The following DACH1 variants were observed in gnomAD, a reference collection of about 807,000 sequenced individuals.
DACH1 encodes the protein dachshund family transcription factor 1, also known as dachshund homolog 1.
DACH1 carries 12 observed loss-of-function variants against 54.2 expected under a neutral mutation model. That is an observed-to-expected ratio of 0.22 (90% CI 0.14 to 0.36). The LOEUF (loss-of-function observed/expected upper bound fraction) is 0.36, where lower values mean the gene tolerates loss of function less well. Among genes scored for constraint, DACH1 ranks in the 10% least tolerant of loss-of-function variants. The pLI, the probability that DACH1 is intolerant of heterozygous loss-of-function variation, is 1.00. For synonymous variants in DACH1, 386 were observed against 366.2 expected, an observed-to-expected ratio of 1.05 and a Z score of -0.62; for missense variants, 805 against 929.8, an observed-to-expected ratio of 0.87 and a Z score of 1.75.
chr13:71,858,172 C>A (rs374364314), intron 1 of DACH1, among the ~76,000 whole-genome samples: 22 of 151,702 alleles, frequency 1.5e-4, no homozygotes, highest in African/African-American at 5.3e-4. Context: ...CATAAAATAT[C>A]TCCCTTTCAA....
At chr13:71,763,310 T>A (rs1885480197) in intron 1 of DACH1, among the ~76,000 whole-genome samples, 1 of 152,212 alleles carries the variant, frequency 6.6e-6, no homozygotes, top group Admixed American at 6.6e-5. Context: ...GGCAGTTGGG[T>A]TCCAAAGTCT....
intron 6 of DACH1, among the ~76,000 whole-genome samples, chr13:71,520,505 G>A (rs1881517804): frequency 1.3e-5 from 2 of 150,172 alleles, no homozygotes; most frequent in African/African-American, 2.4e-5. Flanking sequence ...AGAAGGACAA[G>A]TTAATAAGGA....
At position 71,701,147 on chromosome 13, in the gene DACH1, C is replaced by T. The variant is rs114089815; in HGVS notation, c.849-19237G>A. 3.0e-3 allele frequency among the ~76,000 whole-genome samples: 458 copies of T among 152,112 alleles called. 4 individuals carry two copies. The highest frequency in any genetic ancestry group is 0.011 in the African/African-American group (445 of 41,486). On this transcript the variant is annotated intron_variant, in intron 1 of 10. Transcript: ENST00000613252. ...AAAAGGTTATTAACTGATATGCAAG[C>T]AAGGATAGCATTTACTTAACAAAAA...
intron 3 of DACH1, among the ~76,000 whole-genome samples, chr13:71,623,517 T>G (rs189395889): frequency 5.0e-4 from 76 of 151,870 alleles, no homozygotes; most frequent in Non-Finnish European, 8.1e-4. Context: ...TCAATACTTA[T>G]CCATCATATA....
chr13:71,744,945 G>C (rs1353562268), intron 1 of DACH1, among the ~76,000 whole-genome samples: 2 of 152,096 alleles, frequency 1.3e-5, no homozygotes, highest in Admixed American at 6.6e-5. Context: ...ACTAGATTTA[G>C]AATCAGAAGT....
intron 6 of DACH1, among the ~76,000 whole-genome samples, chr13:71,555,101 A>G (rs1178060467): frequency 6.6e-6 from 1 of 152,124 alleles, no homozygotes; most frequent in African/African-American, 2.4e-5. Context: ...CCTGACATTC[A>G]TTGTATAACA....
chr13:71,817,134 A>T (rs1887991972), intron 1 of DACH1, among the ~76,000 whole-genome samples: 1 of 152,252 alleles, frequency 6.6e-6, no homozygotes, highest in African/African-American at 2.4e-5. Flanking sequence ...AAACAAAATT[A>T]TTAAAAATAA....
chr13:71,760,372 A>G (rs1021110837), intron 1 of DACH1, among the ~76,000 whole-genome samples: 1 of 152,244 alleles, frequency 6.6e-6, no homozygotes, highest in African/African-American at 2.4e-5. Flanking sequence ...AAAAAGCAAC[A>G]TGTAGAAAGA....
At chr13:71,810,955 A>G (rs1221946962) in intron 1 of DACH1, among the ~76,000 whole-genome samples, 6 of 152,110 alleles carry the variant, frequency 3.9e-5, no homozygotes, top group Non-Finnish European at 7.4e-5. Flanking sequence ...CCAGCTCAAC[A>G]GGAAAATCAG....
At chr13:71,449,933 G>GT in intron 10 of DACH1, among the ~76,000 whole-genome samples, 1 of 128,366 alleles carries the variant, frequency 7.8e-6, no homozygotes, top group Non-Finnish European at 1.6e-5. Flanking sequence ...GGTGGGGGGA[G>GT]GGGGAGGGAT....
chr13:71,520,564 T>G (rs966088089), intron 6 of DACH1, among the ~76,000 whole-genome samples: 1 of 151,248 alleles, frequency 6.6e-6, no homozygotes, highest in African/African-American at 2.4e-5. Flanking sequence ...AGGGACAAAT[T>G]ATTGATTACA....
rs147696788 is a variant in DACH1 at position 71,571,837 on chromosome 13, G to A, written c.1299+1003C>T. ...TGCAAGCTCCGCCTCCTGGGTTCAC[G>A]CCATTCTCCTGCCTCAGGCTTCCGA... On this transcript the variant is annotated intron_variant, in intron 4 of 10. Coordinates refer to ENST00000613252, the MANE Select transcript of DACH1 (RefSeq NM_080759.6). Among the ~76,000 whole-genome samples, 646 of 149,030 alleles carry A rather than the reference G, an allele frequency of 4.3e-3. 4 individuals are homozygous for A. The highest frequency in any genetic ancestry group is 0.015 in the African/African-American group (617 of 40,592).
intron 6 of DACH1, among the ~76,000 whole-genome samples, chr13:71,498,263 C>T (rs548120270): frequency 1.3e-5 from 2 of 152,200 alleles, no homozygotes; most frequent in Admixed American, 6.5e-5. Context: ...AGGAGGAAAT[C>T]GATCATCTAG....
intron 1 of DACH1, among the ~76,000 whole-genome samples, chr13:71,725,980 C>T (rs2137897047): frequency 6.6e-6 from 1 of 152,152 alleles, no homozygotes; most frequent in East Asian, 1.9e-4. Flanking sequence ...GATAACAAAT[C>T]CCCTTGGAGA....
rs747558267 is a variant in DACH1 at position 71,438,451 on chromosome 13, T to TACA, written c.*2201_*2203dup. 6.6e-6 allele frequency: 1 copy of TACA among 152,464 alleles called. No homozygotes were observed. The allele number at this position is 152,464 out of a possible 1,614,324, so 9.4% of individuals were successfully genotyped here. ...ATAACATTTCATGAATTGTAATATT[T>TACA]ACAACATGTTAGTAAGAGTCTCTCT... On this transcript the variant is annotated 3_prime_UTR_variant, in exon 11 of 11. Coordinates refer to ENST00000613252, the MANE Select transcript of DACH1 (RefSeq NM_080759.6).
At chr13:71,485,152 C>T (rs1878375624) in intron 7 of DACH1, among the ~76,000 whole-genome samples, 1 of 151,558 alleles carries the variant, frequency 6.6e-6, no homozygotes, top group African/African-American at 2.4e-5. Context: ...ATCCAGTTAA[C>T]TGATACTAAA....
chr13:71,633,235 A>G (rs560333851), intron 2 of DACH1, among the ~76,000 whole-genome samples: 1 of 152,300 alleles, frequency 6.6e-6, no homozygotes, highest in African/African-American at 2.4e-5. Flanking sequence ...TCTTGAATAT[A>G]ATTTTTTCAC....
Position 71,780,680 on chromosome 13 carries a change from G to T in DACH1, c.848+85242C>A, listed in dbSNP as rs193057048. On this transcript the variant is annotated intron_variant, in intron 1 of 10. Transcript: ENST00000613252. Reference sequence around the variant, plus strand: ...AAAAAATTCTCTTAATGAAAAGAATGTTCCTCTCTCCCCTCTCTTCCTTCA... The same window carrying T: ...AAAAAATTCTCTTAATGAAAAGAATTTTCCTCTCTCCCCTCTCTTCCTTCA... Among the ~76,000 whole-genome samples, 292 of 151,348 alleles carry T rather than the reference G, an allele frequency of 1.9e-3. 4 individuals carry two copies. The highest frequency in any genetic ancestry group is 1.3e-3 in the South Asian group (6 of 4,788).
chr13:71,575,407 AGCT>A (rs1885468422), intron 3 of DACH1, among the ~76,000 whole-genome samples: 1 of 152,004 alleles, frequency 6.6e-6, no homozygotes, highest in Non-Finnish European at 1.5e-5. Context: ...CTCCATTTAC[AGCT>A]ATAATCTACT....
Sources: gnomAD v4.1 joint callset for allele counts (sites outside exome capture counted in the v4.1 genomes callset) on GRCh38, gnomAD v4.1.1 for gene constraint, MANE v1.5 for transcripts, NCBI Gene and HGNC (gene_info 2026-07-23, HGNC 2026-07-21) for gene names.